NRG3: variants seen among roughly 807,000 people sequenced by gnomAD.
The protein encoded by NRG3 is neuregulin 3, also known as pro-neuregulin-3, membrane-bound isoform.
A neutral mutation model predicts 66.9 loss-of-function variants in NRG3; 31 were observed. That is an observed-to-expected ratio of 0.46 (90% CI 0.35 to 0.63). The LOEUF (loss-of-function observed/expected upper bound fraction) is 0.63, where lower values mean the gene tolerates loss of function less well. Among genes scored for constraint, NRG3 ranks in the 20% least tolerant of loss-of-function variants. The pLI is 0.00. For synonymous variants in NRG3, 393 were observed against 359.4 expected, an observed-to-expected ratio of 1.09 and a Z score of -1.06; for missense variants, 910 against 878.9, an observed-to-expected ratio of 1.04 and a Z score of -0.45.
At chr10:81,915,387 C>T (rs528889635) in intron 1 of NRG3, among the ~76,000 whole-genome samples, 74 of 151,954 alleles carry the variant, frequency 4.9e-4, no homozygotes, top group Non-Finnish European at 9.4e-4. Context: ...CAGAAAAATA[C>T]AGGGTTTTCC....
At chr10:82,910,106 T>C (rs1461664348) in intron 4 of NRG3, among the ~76,000 whole-genome samples, 1 of 152,156 alleles carries the variant, frequency 6.6e-6, no homozygotes, top group African/African-American at 2.4e-5. Flanking sequence ...AAATACCAAT[T>C]ACAATGAGCT....
intron 2 of NRG3, among the ~76,000 whole-genome samples, chr10:82,493,949 A>T (rs1477645624): frequency 6.6e-6 from 1 of 152,224 alleles, no homozygotes; most frequent in African/African-American, 2.4e-5. Flanking sequence ...AACACTTCTC[A>T]AAAGAAGACA....
chr10:82,327,209 C>T (rs762098680), intron 1 of NRG3, among the ~76,000 whole-genome samples: 2 of 152,112 alleles, frequency 1.3e-5, no homozygotes, highest in Non-Finnish European at 2.9e-5. Flanking sequence ...AGGATAAGAA[C>T]AGGACATGGG....
chr10:82,237,235 T>A (rs1478532896), intron 1 of NRG3, among the ~76,000 whole-genome samples: 2 of 152,138 alleles, frequency 1.3e-5, no homozygotes, highest in East Asian at 3.9e-4. Flanking sequence ...GACCAAATTA[T>A]TTTCTGCCTC....
intron 1 of NRG3, among the ~76,000 whole-genome samples, chr10:82,299,102 T>G (rs1477208433): frequency 6.6e-6 from 1 of 151,982 alleles, no homozygotes; most frequent in African/African-American, 2.4e-5. Flanking sequence ...CCATGGAGAT[T>G]GGGTTTAAAA....
At position 81,947,324 on chromosome 10, in the gene NRG3, T is replaced by C. The variant is rs115801908; in HGVS notation, c.823+71161T>C. Among the ~76,000 whole-genome samples, 881 of 152,246 alleles carry C rather than the reference T, an allele frequency of 5.8e-3. 7 individuals carry two copies. Among genetic ancestry groups the C allele is most frequent in the African/African-American group, 0.02 (813 of 41,550 alleles). ...TAATTCCATCAGCTCTCTAAAGACC[T>C]CATTTCCAAATAAGATTGCATTCTA... On this transcript the variant is annotated intron_variant, in intron 1 of 8. Transcript: ENST00000372141.
At chr10:82,564,632 C>T (rs1277410147) in intron 2 of NRG3, among the ~76,000 whole-genome samples, 2 of 152,080 alleles carry the variant, frequency 1.3e-5, no homozygotes, top group Non-Finnish European at 2.9e-5. Context: ...TAGACTCTAA[C>T]ACTCTATCTT....
chr10:82,832,199 G>T (rs535302498), intron 3 of NRG3, among the ~76,000 whole-genome samples: 5 of 152,280 alleles, frequency 3.3e-5, no homozygotes, highest in Non-Finnish European at 7.4e-5. Flanking sequence ...ATATGGCTCT[G>T]ACCATCTTTA....
At chr10:81,882,129 A>ACTGT (rs1842235258) in intron 1 of NRG3, among the ~76,000 whole-genome samples, 1 of 152,192 alleles carries the variant, frequency 6.6e-6, no homozygotes, top group South Asian at 2.1e-4. Context: ...GACGTAAACA[A>ACTGT]ATCTATTATC....
In NRG3 at chr10:82,985,307, T is replaced by C. The variant is rs1479205019; in HGVS notation, c.1793T>C (p.Ile598Thr). ...CCAGGGATTTCTGAAGTCAAAAGCA[T>C]CAAATGGTGCAAAAACTCCTATTCA... is the stretch of plus-strand genomic sequence containing the variant. ...QMPGISEVKS[I>T]KWCKNSYSAD... Residue 598 changes from isoleucine (I) to threonine (T), a missense_variant, in exon 9 of 9, where the codon ATC becomes ACC. Transcript: ENST00000372141. 6.2e-7 allele frequency: 1 copy of C among 1,613,976 alleles called. No homozygotes were observed. The highest frequency in any genetic ancestry group is 8.5e-7 in the Non-Finnish European group (1 of 1,180,008).
chr10:82,491,295 T>A (rs866125731), intron 2 of NRG3, among the ~76,000 whole-genome samples: 2 of 126,908 alleles, frequency 1.6e-5, no homozygotes, highest in African/African-American at 5.4e-5. Flanking sequence ...TCCCATAAAA[T>A]ATATATATAT....
chr10:82,568,772 C>T (rs653192), intron 2 of NRG3, among the ~76,000 whole-genome samples: 12,826 of 151,808 alleles, frequency 0.084, 622 homozygotes, highest in East Asian at 0.15. Context: ...CACGGAAACT[C>T]CTTGTTGTCG....
chr10:82,331,029 T>A (rs1239853440), intron 1 of NRG3, among the ~76,000 whole-genome samples: 1 of 152,164 alleles, frequency 6.6e-6, no homozygotes, highest in Non-Finnish European at 1.5e-5. Context: ...TAGAATAGAA[T>A]CTTAGTCATC....
At position 82,751,827 on chromosome 10, in the gene NRG3, A is replaced by G. The variant is rs566309110; in HGVS notation, c.1027+13177A>G. Among the ~76,000 whole-genome samples, 61 of 152,302 alleles carry G rather than the reference A, an allele frequency of 4.0e-4. No homozygotes were observed. The South Asian group carries it at 0.013, about 32-fold the overall frequency. On this transcript the variant is annotated intron_variant, in intron 3 of 8. Transcript: ENST00000372141. ...TGTAGAATGGAATTGTTCCTTAAAT[A>G]TCTATTGCTATAGTTCCAAATACAA...
At chr10:81,985,789 CA>C (rs1317798216) in intron 1 of NRG3, among the ~76,000 whole-genome samples, 4 of 152,194 alleles carry the variant, frequency 2.6e-5, no homozygotes, top group Non-Finnish European at 4.4e-5. Flanking sequence ...ATGAGTGGGT[CA>C]TCAAATCAAT....
At chr10:82,928,612 GT>G (rs59744503) in intron 4 of NRG3, among the ~76,000 whole-genome samples, 76 of 117,860 alleles carry the variant, frequency 6.4e-4, no homozygotes, top group African/African-American at 1.4e-3. Flanking sequence ...GGATCAGCAG[GT>G]TTTTTTTTTT....
chr10:82,072,117 C>T (rs2064841564), intron 1 of NRG3, among the ~76,000 whole-genome samples: 1 of 152,072 alleles, frequency 6.6e-6, no homozygotes, highest in Admixed American at 6.6e-5. Flanking sequence ...ATTATGCTAG[C>T]TTTTGTCTCC....
intron 4 of NRG3, among the ~76,000 whole-genome samples, chr10:82,881,345 G>C (rs1252740095): frequency 1.3e-5 from 2 of 152,214 alleles, no homozygotes; most frequent in Admixed American, 1.3e-4. Flanking sequence ...CTTACCAAAA[G>C]ATGCAGTTCA....
intron 4 of NRG3, among the ~76,000 whole-genome samples, chr10:82,908,132 G>C (rs1419132994): frequency 6.6e-6 from 1 of 152,206 alleles, no homozygotes; most frequent in Non-Finnish European, 1.5e-5. Context: ...TCAGATGTCT[G>C]TGTATTGTGG....
Sources: gnomAD v4.1 joint callset for allele counts (sites outside exome capture counted in the v4.1 genomes callset) on GRCh38, gnomAD v4.1.1 for gene constraint, MANE v1.5 for transcripts, NCBI Gene and HGNC (gene_info 2026-07-23, HGNC 2026-07-21) for gene names.